NXPE2: variants seen among roughly 807,000 people sequenced by gnomAD.
NXPE2 encodes neurexophilin and PC-esterase domain family member 2.
In NXPE2, 34 loss-of-function variants were observed where a neutral mutation model predicts 34.4. That is an observed-to-expected ratio of 0.99 (90% CI 0.75 to 1.31). The LOEUF is 1.31. Ranked by LOEUF, NXPE2 falls within the 40% of genes most tolerant of loss-of-function variation. The pLI is 0.00. For missense variants in NXPE2, 649 were observed against 672.5 expected (o/e 0.97, Z 0.39); for synonymous variants, 235 against 231.3 (o/e 1.02, Z -0.15).
the NXPE2 span, among the ~76,000 whole-genome samples, chr11:114,636,103 T>TTC: frequency 1.3e-5 from 2 of 150,340 alleles, no homozygotes; most frequent in African/African-American, 2.4e-5. Context: ...CCTGGACTCT[T>TTC]TCGTTGGTAA....
chr11:114,535,590 C>G, the NXPE2 span, among the ~76,000 whole-genome samples: 2 of 152,138 alleles, frequency 1.3e-5, no homozygotes, highest in Non-Finnish European at 2.9e-5. Flanking sequence ...GGAGGAAGAT[C>G]TACCAAGCAA....
the NXPE2 span, among the ~76,000 whole-genome samples, chr11:114,813,140 C>A: frequency 6.6e-6 from 1 of 152,354 alleles, no homozygotes; most frequent in South Asian, 2.1e-4. Flanking sequence ...AAACATCCTG[C>A]AGGAAGACTA....
the NXPE2 span, among the ~76,000 whole-genome samples, chr11:114,765,585 A>G: frequency 6.6e-6 from 1 of 152,182 alleles, no homozygotes; most frequent in Admixed American, 6.5e-5. Context: ...AACAAAATCC[A>G]CAATATCTCT....
the NXPE2 span, among the ~76,000 whole-genome samples, chr11:114,486,121 G>A: frequency 6.6e-6 from 1 of 152,116 alleles, no homozygotes; most frequent in East Asian, 1.9e-4. Flanking sequence ...CAGTGTACAA[G>A]GGTTCCTTTT....
the NXPE2 span, among the ~76,000 whole-genome samples, chr11:114,781,586 T>C: frequency 6.6e-6 from 1 of 151,788 alleles, no homozygotes; most frequent in African/African-American, 2.4e-5. Context: ...AAGCAGAGGA[T>C]AGAAAATATG....
the NXPE2 span, among the ~76,000 whole-genome samples, chr11:114,591,759 C>A: frequency 6.6e-6 from 1 of 151,900 alleles, no homozygotes; most frequent in Non-Finnish European, 1.5e-5. Context: ...AATTCCAGGC[C>A]CCTGTATGAT....
chr11:114,695,434 C>T (rs773876659), intron 2 of NXPE2, among the ~76,000 whole-genome samples: 3 of 152,034 alleles, frequency 2.0e-5, no homozygotes, highest in Non-Finnish European at 4.4e-5. Flanking sequence ...AATAAGAAGG[C>T]CAGATGGAGG....
chr11:114,721,718 A>G, the NXPE2 span, among the ~76,000 whole-genome samples: 1 of 152,210 alleles, frequency 6.6e-6, no homozygotes, highest in Non-Finnish European at 1.5e-5. Context: ...TCCCCGAGGC[A>G]GGTAGTAAAA....
At chr11:114,626,220 G>A in the NXPE2 span, among the ~76,000 whole-genome samples, 1,468 of 152,326 alleles carry the variant, frequency 9.6e-3, 25 homozygotes, top group Middle Eastern at 0.017. Context: ...ACCTCTGGGG[G>A]CAGGGCACAG....
the NXPE2 span, among the ~76,000 whole-genome samples, chr11:114,577,088 T>C: frequency 2.0e-3 from 132 of 67,186 alleles, no homozygotes; most frequent in African/African-American, 7.1e-3. Flanking sequence ...TATATATACA[T>C]ATATATATAA....
chr11:114,593,018 A>T, the NXPE2 span, among the ~76,000 whole-genome samples: 1 of 152,290 alleles, frequency 6.6e-6, no homozygotes, highest in East Asian at 1.9e-4. Context: ...CATATACAAA[A>T]CTCAGTTACA....
Position 114,698,029 on chromosome 11 carries a change from C to T in NXPE2, c.133-16C>T, listed in dbSNP as rs1411853642. On this transcript the variant is annotated splice_polypyrimidine_tract_variant and intron_variant, in intron 2 of 5. Transcript: ENST00000389586. Reference sequence around the variant, plus strand: ...TGTTTGCTGATGATATTTTCTTTTCCCTTTCAATATTTCAGTTCTCGTTCA... The same window carrying T: ...TGTTTGCTGATGATATTTTCTTTTCTCTTTCAATATTTCAGTTCTCGTTCA... The T allele has an allele frequency of 1.4e-6, 2 of 1,451,054 alleles. No homozygotes were observed. The highest frequency in any genetic ancestry group is 2.5e-5 in the East Asian group (1 of 39,812). The allele number at this position is 1,451,054 out of a possible 1,614,324, so 89.9% of individuals were successfully genotyped here. A position where few individuals can be genotyped will look rare whatever the true frequency, so the allele number is the denominator to read the frequency against.
chr11:114,793,339 T>C, the NXPE2 span, among the ~76,000 whole-genome samples: 3 of 152,154 alleles, frequency 2.0e-5, 1 homozygote, highest in African/African-American at 7.2e-5. Flanking sequence ...ACTTTTTTTT[T>C]CTCTCCCAGG....
the NXPE2 span, chr11:114,594,877 C>T: frequency 0.068 from 42,037 of 614,720 alleles, 3,133 homozygotes; most frequent in East Asian, 0.31. Context: ...ACTTTTTAGC[C>T]TCAGATAAAT....
the NXPE2 span, among the ~76,000 whole-genome samples, chr11:114,658,727 C>A: frequency 3.3e-5 from 5 of 152,218 alleles, no homozygotes; most frequent in African/African-American, 1.2e-4. Context: ...GTCCTGGGCC[C>A]AGACCATTAG....
chr11:114,530,770 G>C, the NXPE2 span: 1 of 1,614,196 alleles, frequency 6.2e-7, no homozygotes, highest in Non-Finnish European at 8.5e-7. Flanking sequence ...TGCTGATCTA[G>C]TTTCTCTATG....
chr11:114,588,343 G>A, the NXPE2 span, among the ~76,000 whole-genome samples: 1 of 152,042 alleles, frequency 6.6e-6, no homozygotes, highest in African/African-American at 2.4e-5. Flanking sequence ...ACAAATAAAG[G>A]GAGACTTAGG....
chr11:114,556,470 T>A, the NXPE2 span, among the ~76,000 whole-genome samples: 1 of 152,014 alleles, frequency 6.6e-6, no homozygotes, highest in Non-Finnish European at 1.5e-5. Context: ...ATTTCCCTGG[T>A]CAATTGCCTT....
chr11:114,717,046 C>A, the NXPE2 span, among the ~76,000 whole-genome samples: 1 of 152,156 alleles, frequency 6.6e-6, no homozygotes, highest in East Asian at 1.9e-4. Flanking sequence ...TAATATGTGG[C>A]CTGTAATGCC....
Sources: allele counts gnomAD v4.1 joint callset (sites outside exome capture counted in the v4.1 genomes callset), GRCh38; gene constraint gnomAD v4.1.1; transcripts MANE v1.5; gene names NCBI Gene and HGNC (gene_info 2026-07-23, HGNC 2026-07-21).